The following SUCNR1 variants were observed in gnomAD, a reference collection of about 807,000 sequenced individuals.
SUCNR1 encodes G-protein coupled receptor 91.
In SUCNR1, 5 loss-of-function variants were observed where a neutral mutation model predicts 2.4. That is an observed-to-expected ratio of 2.07 (90% CI 1.08 to 4.36). SUCNR1 has a LOEUF of 4.36. SUCNR1 is among the 30% of genes most tolerant of loss of function. SUCNR1 has a pLI of 0.00. For missense variants in SUCNR1, 373 were observed against 399.2 expected (o/e 0.93, Z 0.56); for synonymous variants, 162 against 143.9 (o/e 1.13, Z -0.90).
At chr3:151,879,195 C>T (rs1718007277) in intron 1 of SUCNR1, among the ~76,000 whole-genome samples, 2 of 152,132 alleles carry the variant, frequency 1.3e-5, no homozygotes, top group African/African-American at 4.8e-5. Context: ...GGCCTCTTGA[C>T]AAGAGTTAAA....
chr3:151,879,751 T>G (rs1718029926), intron 1 of SUCNR1, 101 bp from the exon 2 acceptor site: 2 of 500,426 alleles, frequency 4.0e-6, no homozygotes, highest in African/African-American at 3.9e-5. Context: ...TCATAGTTTA[T>G]GAATTTAATA....
intron 1 of SUCNR1, among the ~76,000 whole-genome samples, chr3:151,878,932 A>C (rs1718001321): frequency 6.6e-6 from 1 of 152,202 alleles, no homozygotes; most frequent in Non-Finnish European, 1.5e-5. Context: ...TGAATTTTGC[A>C]TGCTTCTCAT....
intron 1 of SUCNR1, among the ~76,000 whole-genome samples, chr3:151,876,537 T>C (rs1425532606): frequency 1.3e-5 from 2 of 152,098 alleles, no homozygotes; most frequent in African/African-American, 4.8e-5. Context: ...AATCTCATCA[T>C]TAGAGATAAA....
At position 151,881,257 on chromosome 3, in the gene SUCNR1, G is replaced by A. The variant is rs570372662; in HGVS notation, c.714G>A (p.Val238=). Residue 238 remains valine, a synonymous_variant, in exon 3 of 3, where the codon GTG becomes GTA. Coordinates refer to ENST00000362032, the MANE Select transcript of SUCNR1 (RefSeq NM_033050.6). The part of the protein sequence containing the change: ...EKPLNLVIMA[V]VIFSVLFTPY... ...CTCTCAACTTGGTCATCATGGCAGT[G>A]GTAATCTTCTCTGTGCTTTTTACAC... 1 of 1,614,178 alleles carries A rather than the reference G, an allele frequency of 6.2e-7. No individual in the cohort carries two copies. The highest frequency in any genetic ancestry group is 1.7e-5 in the Admixed American group (1 of 60,018).
At chr3:151,875,907 T>C (rs904258080) in intron 1 of SUCNR1, among the ~76,000 whole-genome samples, 1 of 152,196 alleles carries the variant, frequency 6.6e-6, no homozygotes, top group Admixed American at 6.5e-5. Context: ...TGAGTGATAG[T>C]TGCAGGAAAT....
At chr3:151,880,210 T>C (rs1317598954) in intron 2 of SUCNR1, among the ~76,000 whole-genome samples, 2 of 152,174 alleles carry the variant, frequency 1.3e-5, no homozygotes, top group Non-Finnish European at 2.9e-5. Flanking sequence ...TACCTTCCCA[T>C]ATGTTTTTAT....
Position 151,880,561 on chromosome 3 carries a change from A to G in SUCNR1, c.18A>G (p.Ala6=). 6.3e-7 allele frequency: 1 copy of G among 1,599,338 alleles called. No individual in the cohort carries two copies. The highest frequency in any genetic ancestry group is 8.5e-7 in the Non-Finnish European group (1 of 1,173,454). The part of the protein sequence containing the change: MLGIM[A]WNATCKNWLA... ...TATATTTTCTCTCTCTTCTTTAGGC[A>G]TGGAATGCAACTTGCAAAAACTGGC... is the stretch of plus-strand genomic sequence containing the variant. The change falls in exon 3 of 3, where the codon GCA becomes GCG. Residue 6 remains alanine (A), a splice_region_variant and synonymous_variant. Coordinates refer to ENST00000362032, the MANE Select transcript of SUCNR1 (RefSeq NM_033050.6).
rs1718151868 is a variant in SUCNR1, at chr3:151,883,174, A to C, written c.*1626A>C. On this transcript the variant is annotated 3_prime_UTR_variant, in exon 3 of 3. Transcript: ENST00000362032. Reference sequence around the variant, plus strand: ...TCTGCCATGCCTTGCCTTTAGTATCAATATTTTAAAAATTTCACTGTAATT... The same window carrying C: ...TCTGCCATGCCTTGCCTTTAGTATCCATATTTTAAAAATTTCACTGTAATT... The C allele has an allele frequency of 6.6e-6, 1 of 151,962 alleles. No homozygotes were observed. Among genetic ancestry groups the C allele is most frequent in the African/African-American group, 2.4e-5 (1 of 41,412 alleles). 9.4% of individuals were successfully genotyped at this position (151,962 alleles called of 1,614,324 possible).
chr3:151,875,605 G>C (rs79020368), intron 1 of SUCNR1, among the ~76,000 whole-genome samples: 8,971 of 151,586 alleles, frequency 0.059, 308 homozygotes, highest in Non-Finnish European at 0.069. Flanking sequence ...AATGTAAAAG[G>C]GTACCCAAAT....
chr3:151,884,123 T>C lies in SUCNR1; in HGVS notation c.*2575T>C, dbSNP rs1476937105. The C allele has an allele frequency of 6.6e-6, 1 of 152,236 alleles. No individual in the cohort carries two copies. The highest frequency in any genetic ancestry group is 2.4e-5 in the African/African-American group (1 of 41,466). 9.4% of individuals were successfully genotyped at this position (152,236 alleles called of 1,614,324 possible). A position where few individuals can be genotyped will look rare whatever the true frequency, so the allele number is the denominator to read the frequency against. On this transcript the variant is annotated 3_prime_UTR_variant, in exon 3 of 3. Transcript: ENST00000362032. ...TTATTTTTATTATAGTTTATTATTG[T>C]CTTCATAGCTGAGTACTCTTAAAAT...
At position 151,881,106 on chromosome 3, in the gene SUCNR1, G is replaced by C. The variant is rs1718082177; in HGVS notation, c.563G>C (p.Ser188Thr). 6 of 1,614,070 alleles carry C rather than the reference G, an allele frequency of 3.7e-6. No homozygotes were observed. Among genetic ancestry groups the C allele is most frequent in the Non-Finnish European group, 5.1e-6 (6 of 1,179,988 alleles). ...SGDPNYNLIY[S>T]MCLTLLGFLI... ...GACCCCAACTACAACCTCATTTACA[G>C]CATGTGTCTAACACTGTTGGGGTTC... is the stretch of plus-strand genomic sequence containing the variant. Residue 188 changes from serine to threonine, a missense_variant, in exon 3 of 3, where the codon AGC becomes ACC. This residue lies in a region of SUCNR1 where 157 missense variants were observed against 178.7 expected (regional missense o/e 0.88). Transcript: ENST00000362032.
intron 1 of SUCNR1, among the ~76,000 whole-genome samples, chr3:151,875,503 A>G (rs1439185218): frequency 1.3e-5 from 2 of 152,160 alleles, no homozygotes; most frequent in African/African-American, 4.8e-5. Context: ...TAGAATTATG[A>G]ACTTAGAAAA....
rs1718196711 is a variant in SUCNR1 at position 151,884,584 on chromosome 3, C to A, written c.*3036C>A. ...TTTTGTATATACATTTACAAATGTACATGTACACAATAATAAAAATAATTT... is the reference window on the plus strand; with the variant it reads ...TTTTGTATATACATTTACAAATGTAAATGTACACAATAATAAAAATAATTT... On this transcript the variant is annotated 3_prime_UTR_variant, in exon 3 of 3. Coordinates refer to ENST00000362032, the MANE Select transcript of SUCNR1 (RefSeq NM_033050.6). The A allele has an allele frequency of 6.6e-6, 1 of 152,200 alleles. No individual in the cohort carries two copies. Among genetic ancestry groups the A allele is most frequent in the African/African-American group, 2.4e-5 (1 of 41,438 alleles). 9.4% of individuals were successfully genotyped at this position (152,200 alleles called of 1,614,324 possible). A position where few individuals can be genotyped will look rare whatever the true frequency, so the allele number is the denominator to read the frequency against.
Position 151,881,790 on chromosome 3 carries a change from C to CCTG in SUCNR1, c.*242_*243insCTG. On this transcript the variant is annotated 3_prime_UTR_variant, in exon 3 of 3. Transcript: ENST00000362032. ...CTCCAAAATACTAGGTAGTATAAGGCTTTCTCAATCAGTGCAAAAATGGAA... is the reference window on the plus strand; with the variant it reads ...CTCCAAAATACTAGGTAGTATAAGGCCTGTTTCTCAATCAGTGCAAAAATGGAA... The CCTG allele has an allele frequency of 2.6e-6, 1 of 383,922 alleles. No individual in the cohort carries two copies. The allele number at this position is 383,922 out of a possible 1,614,324, so 23.8% of individuals were successfully genotyped here. A position where few individuals can be genotyped will look rare whatever the true frequency, so the allele number is the denominator to read the frequency against.
intron 1 of SUCNR1, among the ~76,000 whole-genome samples, chr3:151,876,585 T>C (rs1209384299): frequency 6.6e-6 from 1 of 152,146 alleles, no homozygotes; most frequent in Non-Finnish European, 1.5e-5. Context: ...CTAGACTTCT[T>C]ATGCTTATTA....
At position 151,884,108 on chromosome 3, in the gene SUCNR1, T is replaced by C. The variant is rs1173066408; in HGVS notation, c.*2560T>C. On this transcript the variant is annotated 3_prime_UTR_variant, in exon 3 of 3. Transcript: ENST00000362032. Reference sequence around the variant, plus strand: ...CTTATTTGAATTTCATTATTTTTATTATAGTTTATTATTGTCTTCATAGCT... The same window carrying C: ...CTTATTTGAATTTCATTATTTTTATCATAGTTTATTATTGTCTTCATAGCT... 1 of 152,246 alleles carries C rather than the reference T, an allele frequency of 6.6e-6. No individual in the cohort carries two copies. The highest frequency in any genetic ancestry group is 1.5e-5 in the Non-Finnish European group (1 of 68,044). The allele number at this position is 152,246 out of a possible 1,614,324, so 9.4% of individuals were successfully genotyped here. A position where few individuals can be genotyped will look rare whatever the true frequency, so the allele number is the denominator to read the frequency against.
In SUCNR1 at chr3:151,880,649, G is replaced by A. The variant is rs1426819526; in HGVS notation, c.106G>A (p.Val36Met). The change falls in exon 3 of 3, where the codon GTG becomes ATG. Residue 36 changes from valine (V) to methionine (M), a missense_variant. This residue lies in a region of SUCNR1 where 184 missense variants were observed against 162.2 expected (regional missense o/e 1.13). Coordinates refer to ENST00000362032, the MANE Select transcript of SUCNR1 (RefSeq NM_033050.6). Reference sequence around the variant, plus strand: ...CATTTTTTATGGGATTGAGTTCGTTGTGGGAGTCCTTGGAAATACCATTGT... The same window carrying A: ...CATTTTTTATGGGATTGAGTTCGTTATGGGAGTCCTTGGAAATACCATTGT... ...LSIFYGIEFV[V>M]GVLGNTIVVY... 1.9e-6 allele frequency: 3 copies of A among 1,613,968 alleles called. No individual in the cohort carries two copies. Among genetic ancestry groups the A allele is most frequent in the African/African-American group, 1.3e-5 (1 of 74,918 alleles).
rs921762220 is a variant in SUCNR1 at position 151,882,721 on chromosome 3, A to C, written c.*1173A>C. The C allele has an allele frequency of 9.2e-5, 14 of 152,186 alleles. No individual in the cohort carries two copies. Among genetic ancestry groups the C allele is most frequent in the Admixed American group, 6.5e-5 (1 of 15,284 alleles). The allele number at this position is 152,186 out of a possible 1,614,324, so 9.4% of individuals were successfully genotyped here. A position where few individuals can be genotyped will look rare whatever the true frequency, so the allele number is the denominator to read the frequency against. ...TACTTCATGAAATTATAGAACATAA[A>C]AATATTTATGTGCATATTAACCTGT... On this transcript the variant is annotated 3_prime_UTR_variant, in exon 3 of 3. Coordinates refer to ENST00000362032, the MANE Select transcript of SUCNR1 (RefSeq NM_033050.6).
intron 1 of SUCNR1, among the ~76,000 whole-genome samples, chr3:151,877,600 C>T (rs1325964225): frequency 6.6e-6 from 1 of 152,062 alleles, no homozygotes; most frequent in Non-Finnish European, 1.5e-5. Context: ...TTTTAGATGA[C>T]TTTGAGGATA....
Sources: gnomAD v4.1 joint callset for allele counts (sites outside exome capture counted in the v4.1 genomes callset) on GRCh38, gnomAD v4.1.1 for gene constraint, gnomAD v4.1.1 regional missense constraint, MANE v1.5 for transcripts, NCBI Gene and HGNC (gene_info 2026-07-23, HGNC 2026-07-21) for gene names.